Variants in EML4 observed in about 807,000 individuals in gnomAD.
EML4 encodes the protein echinoderm microtubule-associated protein-like 4.
Under a neutral mutation model 129.0 loss-of-function variants are expected in EML4, and 72 were observed. The observed-to-expected ratio is 0.56, with a 90% CI of 0.46 to 0.68. EML4 has a LOEUF of 0.68. Among genes scored for constraint, EML4 ranks in the 30% least tolerant of loss-of-function variants. The pLI, the probability that EML4 is intolerant of heterozygous loss-of-function variation, is 0.00. For synonymous variants in EML4, 532 were observed against 405.0 expected, an observed-to-expected ratio of 1.31 and a Z score of -3.77; for missense variants, 1,363 against 1,190.6, an observed-to-expected ratio of 1.14 and a Z score of -2.13.
chr2:42,172,653 C>CTT (rs879914130), intron 1 of EML4, among the ~76,000 whole-genome samples: 1 of 145,902 alleles, frequency 6.9e-6, no homozygotes, highest in Admixed American at 6.9e-5. Flanking sequence ...CTTTAGAAAC[C>CTT]TTTTTTTTTT....
At chr2:42,199,679 C>T (rs1390251812) in intron 1 of EML4, among the ~76,000 whole-genome samples, 2 of 152,134 alleles carry the variant, frequency 1.3e-5, no homozygotes, top group East Asian at 3.9e-4. Flanking sequence ...TGTAAAGGAT[C>T]TAGAGAAGTT....
chr2:42,221,235 C>G (rs1271000323), intron 1 of EML4, among the ~76,000 whole-genome samples: 2 of 152,000 alleles, frequency 1.3e-5, no homozygotes, highest in East Asian at 3.9e-4. Context: ...AAAGGACAAG[C>G]TGACTGTTGA....
intron 13 of EML4, 36 bp from the exon 14 acceptor site, chr2:42,301,205 A>AT (rs1268735335): frequency 6.4e-7 from 1 of 1,570,590 alleles, no homozygotes; most frequent in Non-Finnish European, 8.7e-7. Context: ...GAAGAAAAGT[A>AT]TTATCACTAG....
At chr2:42,327,498 T>G (rs1296064484) in intron 21 of EML4, among the ~76,000 whole-genome samples, 1 of 152,250 alleles carries the variant, frequency 6.6e-6, no homozygotes, top group Admixed American at 6.5e-5. Flanking sequence ...TCCTTGTCAG[T>G]GTATTTTATT....
intron 17 of EML4, among the ~76,000 whole-genome samples, chr2:42,305,135 G>A (rs1369865528): frequency 6.6e-6 from 1 of 152,038 alleles, no homozygotes; most frequent in East Asian, 1.9e-4. Context: ...AATAAGGCGA[G>A]TTGCAGTAGC....
In EML4 at chr2:42,288,142, G is replaced by A. The variant is rs1667415988; in HGVS notation, c.1123-85G>A. On this transcript the variant is annotated intron_variant, in intron 10 of 22. Transcript: ENST00000318522. ...AGGATTTTGGGTTATCTTACTATTTGCAGTTTTAATAAGATGGTATTTCTT... is the reference window on the plus strand; with the variant it reads ...AGGATTTTGGGTTATCTTACTATTTACAGTTTTAATAAGATGGTATTTCTT... 6 of 580,590 alleles carry A rather than the reference G, an allele frequency of 1.0e-5. No individual in the cohort carries two copies. The Admixed American group carries it at 1.7e-4, about 17-fold the overall frequency. The allele number at this position is 580,590 out of a possible 1,614,324, so 36.0% of individuals were successfully genotyped here. A position where few individuals can be genotyped will look rare whatever the true frequency, so the allele number is the denominator to read the frequency against.
At chr2:42,222,608 C>A (rs906717332) in intron 1 of EML4, among the ~76,000 whole-genome samples, 12 of 152,042 alleles carry the variant, frequency 7.9e-5, no homozygotes, top group Non-Finnish European at 1.2e-4. Context: ...AGTTTGCCAA[C>A]CCCTGTTCTT....
intron 11 of EML4, chr2:42,289,316 T>C (rs1198785427): frequency 6.6e-6 from 1 of 152,222 alleles, no homozygotes; most frequent in African/African-American, 2.4e-5. Flanking sequence ...TTCCTCCTAC[T>C]GGCGATTTCT....
chr2:42,246,581 C>T (rs1312981865), intron 2 of EML4, among the ~76,000 whole-genome samples: 4 of 152,126 alleles, frequency 2.6e-5, no homozygotes, highest in African/African-American at 9.7e-5. Flanking sequence ...AATTCAGTTT[C>T]TGAATGTTGT....
At chr2:42,326,121 C>T in intron 20 of EML4, 33 bp from the exon 21 acceptor site, 1 of 1,609,598 alleles carries the variant, frequency 6.2e-7, no homozygotes, top group Non-Finnish European at 8.5e-7. Context: ...TACACAAGCA[C>T]TATGATTATA....
chr2:42,284,635 C>A lies in EML4; in HGVS notation c.943C>A (p.Leu315Ile). 1.2e-6 allele frequency: 2 copies of A among 1,609,152 alleles called. No homozygotes were observed. Among genetic ancestry groups the A allele is most frequent in the South Asian group, 2.2e-5 (2 of 90,328 alleles). Residue 315 changes from leucine to isoleucine, a missense_variant and splice_region_variant, in exon 9 of 23, where the codon CTT (leucine) becomes ATT (isoleucine). Coordinates refer to ENST00000318522, the MANE Select transcript of EML4 (RefSeq NM_019063.5). ...YLGHTDCVKC[L>I]AIHPDKIRIA... ...ATCATTCTTAATACTGCTTTTTAGC[C>A]TTGCTATACATCCTGACAAAATTAG...
chr2:42,192,252 G>T lies in EML4; in HGVS notation c.25+22616G>T, dbSNP rs572011901. Among the ~76,000 whole-genome samples the T allele has an allele frequency of 6.0e-5, 9 of 148,774 alleles. 1 individual carries two copies. Among genetic ancestry groups the T allele is most frequent in the Admixed American group, 2.7e-4 (4 of 14,964 alleles). On this transcript the variant is annotated intron_variant, in intron 1 of 22. Coordinates refer to ENST00000318522, the MANE Select transcript of EML4 (RefSeq NM_019063.5). The stretch of plus-strand genomic sequence containing the variant: ...TTTTTGTTTTTTTTTTTGGGGGGGG[G>T]AGGTGTAGTCTTGCTCCTCTGTTGC...
Position 42,264,721 on chromosome 2 carries a change from C to A in EML4, c.657C>A (p.Ile219=). Residue 219 remains isoleucine (I), a synonymous_variant, in exon 6 of 23, where the codon ATC becomes ATA. Coordinates refer to ENST00000318522, the MANE Select transcript of EML4 (RefSeq NM_019063.5). The part of the protein sequence containing the change: ...TKTADKHKDV[I]INQEGEYIKM... ...TCTTTTCTAGGCATAAAGATGTCAT[C>A]ATCAACCAAGGTAAATTAAAAATCC... The A allele has an allele frequency of 6.9e-7, 1 of 1,451,900 alleles. No individual in the cohort carries two copies. The highest frequency in any genetic ancestry group is 2.3e-5 in the East Asian group (1 of 43,958). The allele number at this position is 1,451,900 out of a possible 1,614,324, so 89.9% of individuals were successfully genotyped here.
At chr2:42,297,269 G>A (rs1668011956) in intron 13 of EML4, among the ~76,000 whole-genome samples, 1 of 151,694 alleles carries the variant, frequency 6.6e-6, no homozygotes, top group Admixed American at 6.6e-5. Flanking sequence ...TATCAGAAAT[G>A]CCAGGAACAG....
At chr2:42,179,687 C>T (rs1408917718) in intron 1 of EML4, among the ~76,000 whole-genome samples, 1 of 152,218 alleles carries the variant, frequency 6.6e-6, no homozygotes, top group East Asian at 1.9e-4. Context: ...ACTGCACCCT[C>T]TGCCTCCCGG....
chr2:42,192,320 A>C (rs1272550353), intron 1 of EML4, among the ~76,000 whole-genome samples: 1 of 149,950 alleles, frequency 6.7e-6, no homozygotes, highest in Non-Finnish European at 1.5e-5. Context: ...CTTAACTGCA[A>C]CCTCTGCCTG....
chr2:42,218,555 C>T (rs757199339), intron 1 of EML4, among the ~76,000 whole-genome samples: 2 of 152,078 alleles, frequency 1.3e-5, no homozygotes, highest in Admixed American at 1.3e-4. Flanking sequence ...TTGAGAATTA[C>T]TACTTGGATC....
At chr2:42,187,667 C>CT (rs1671339215) in intron 1 of EML4, among the ~76,000 whole-genome samples, 2 of 134,962 alleles carry the variant, frequency 1.5e-5, no homozygotes, top group African/African-American at 2.8e-5. Context: ...ATTTGGTGCT[C>CT]ATTTTTTTTA....
chr2:42,186,879 G>C (rs1418412300), intron 1 of EML4, among the ~76,000 whole-genome samples: 1 of 151,890 alleles, frequency 6.6e-6, no homozygotes. Context: ...TTATATCATT[G>C]TGTATTCACT....
Sources: gnomAD v4.1 joint callset for allele counts (sites outside exome capture counted in the v4.1 genomes callset) on GRCh38, gnomAD v4.1.1 for gene constraint, MANE v1.5 for transcripts, NCBI Gene and HGNC (gene_info 2026-07-23, HGNC 2026-07-21) for gene names.